CFAP91: variants seen among roughly 807,000 people sequenced by gnomAD.
CFAP91 encodes the protein cilia and flagella associated protein 91.
A neutral mutation model predicts 95.9 loss-of-function variants in CFAP91; 85 were observed. The observed-to-expected ratio is 0.89, with a 90% confidence interval of 0.74 to 1.06. The LOEUF (loss-of-function observed/expected upper bound fraction) is 1.06. CFAP91 is among the 50% of genes least tolerant of loss of function. CFAP91 has a pLI of 0.00. For missense variants in CFAP91, 962 were observed against 943.4 expected (o/e 1.02, Z -0.26); for synonymous variants, 335 against 327.5 (o/e 1.02, Z -0.25).
chr3:119,739,390 T>C (rs1158015307), intron 12 of CFAP91, 64 bp downstream of exon 12: 28 of 1,449,510 alleles, frequency 1.9e-5, no homozygotes, highest in East Asian at 2.3e-5. Flanking sequence ...AGAATGCATA[T>C]GTGCTTGGTT....
At chr3:119,750,833 A>T in intron 16 of CFAP91, 104 bp from the exon 17 acceptor site, 1 of 1,317,164 alleles carries the variant, frequency 7.6e-7, no homozygotes, top group Non-Finnish European at 1.1e-6. Context: ...GTTGGGTTTT[A>T]CCTTTAATTT....
At chr3:119,727,568 G>A (rs2053806069) in intron 7 of CFAP91, among the ~76,000 whole-genome samples, 1 of 152,130 alleles carries the variant, frequency 6.6e-6, no homozygotes, top group African/African-American at 2.4e-5. Context: ...GGGAAAATAG[G>A]GATGAATAGG....
intron 8 of CFAP91, among the ~76,000 whole-genome samples, chr3:119,731,484 A>G (rs1388634196): frequency 1.3e-5 from 2 of 152,234 alleles, no homozygotes; most frequent in Non-Finnish European, 2.9e-5. Context: ...AGTACTTGGC[A>G]TAACTAATGA....
chr3:119,742,999 A>C (rs1036921533), intron 13 of CFAP91, among the ~76,000 whole-genome samples: 2 of 152,128 alleles, frequency 1.3e-5, no homozygotes, highest in Admixed American at 1.3e-4. Context: ...CATCTTAAAC[A>C]CTTTTCTTCT....
Position 119,707,732 on chromosome 3 carries a change from G to GATATATATATAT in CFAP91, c.359+177_359+188dup, listed in dbSNP as rs770594988. On this transcript the variant is annotated intron_variant, in intron 3 of 17. Coordinates refer to ENST00000273390, the MANE Select transcript of CFAP91 (RefSeq NM_033364.4). ...ACCTGATTATATATTGTATATATGA[G>GATATATATATAT]ATATATATATATATATAATTTTGTC... is the stretch of plus-strand genomic sequence containing the variant. 9.6e-3 allele frequency among the ~76,000 whole-genome samples: 1,361 copies of GATATATATATAT among 142,434 alleles called. 27 individuals carry two copies. The highest frequency in any genetic ancestry group is 0.032 in the African/African-American group (1,241 of 38,854). The allele number at this position is 142,434 out of a possible 152,430, so 93.4% of individuals were successfully genotyped here. A position where few individuals can be genotyped will look rare whatever the true frequency, so the allele number is the denominator to read the frequency against.
chr3:119,709,794 T>TCATTGCAAAAGTCCCACA (rs754152728), intron 4 of CFAP91, 45 bp from the exon 5 acceptor site: 10 of 1,402,846 alleles, frequency 7.1e-6, no homozygotes, highest in African/African-American at 5.7e-5. Flanking sequence ...TAGAGTGCAT[T>TCATTGCAAAAGTCCCACA]CATTGCAAAA....
intron 4 of CFAP91, among the ~76,000 whole-genome samples, chr3:119,709,203 T>A (rs76573949): frequency 6.6e-6 from 1 of 152,340 alleles, no homozygotes; most frequent in African/African-American, 2.4e-5. Context: ...AAATTAAAAT[T>A]AGATGGGGAT....
intron 10 of CFAP91, among the ~76,000 whole-genome samples, chr3:119,734,705 C>T (rs2053967522): frequency 6.6e-6 from 1 of 152,208 alleles, no homozygotes; most frequent in Non-Finnish European, 1.5e-5. Flanking sequence ...TTTGCTTCTA[C>T]ATTCATGAGT....
intron 12 of CFAP91, among the ~76,000 whole-genome samples, chr3:119,739,828 A>AT (rs996009970): frequency 5.3e-5 from 8 of 151,336 alleles, no homozygotes; most frequent in African/African-American, 1.2e-4. Flanking sequence ...ATGTTGTCTC[A>AT]TTTTTTTTTC....
intron 5 of CFAP91, among the ~76,000 whole-genome samples, chr3:119,710,564 CACAG>C (rs1177948919): frequency 6.6e-6 from 1 of 152,194 alleles, no homozygotes; most frequent in Non-Finnish European, 1.5e-5. Flanking sequence ...TTGGAGAAGA[CACAG>C]ACACATATTC....
intron 16 of CFAP91, among the ~76,000 whole-genome samples, chr3:119,748,471 A>G (rs2054266035): frequency 6.6e-6 from 1 of 152,214 alleles, no homozygotes; most frequent in African/African-American, 2.4e-5. Flanking sequence ...TTAAACAGAA[A>G]AATAAGATTC....
At chr3:119,709,296 A>G (rs2053431708) in intron 4 of CFAP91, among the ~76,000 whole-genome samples, 1 of 152,214 alleles carries the variant, frequency 6.6e-6, no homozygotes, top group Non-Finnish European at 1.5e-5. Context: ...TAAATTTCTA[A>G]TCCACATTAT....
chr3:119,730,393 G>T lies in CFAP91; in HGVS notation c.1018+16G>T. 1.2e-6 allele frequency: 2 copies of T among 1,606,768 alleles called. No homozygotes were observed. Among genetic ancestry groups the T allele is most frequent in the South Asian group, 2.2e-5 (2 of 89,710 alleles). Reference sequence around the variant, plus strand: ...CATGTATCAAGTAATGGTGTAGTATGAACAATGAAGACGGTGGAAAAGTGG... The same window carrying T: ...CATGTATCAAGTAATGGTGTAGTATTAACAATGAAGACGGTGGAAAAGTGG... On this transcript the variant is annotated intron_variant, in intron 8 of 17. Coordinates refer to ENST00000273390, the MANE Select transcript of CFAP91 (RefSeq NM_033364.4).
At chr3:119,741,958 A>G (rs775599034) in intron 13 of CFAP91, among the ~76,000 whole-genome samples, 25 of 152,168 alleles carry the variant, frequency 1.6e-4, no homozygotes, top group Admixed American at 1.3e-4. Context: ...GGAGAATGTC[A>G]ACACTGGAGT....
In CFAP91 at chr3:119,751,084, A is replaced by G. The variant is rs2054316513; in HGVS notation, c.2291A>G (p.Glu764Gly). The G allele has an allele frequency of 1.2e-6, 2 of 1,605,704 alleles. No individual in the cohort carries two copies. Among genetic ancestry groups the G allele is most frequent in the Non-Finnish European group, 1.7e-6 (2 of 1,177,392 alleles). Reference sequence around the variant, plus strand: ...TTACTTGAGAAAGAAACTCAAAATGAGAACAACAGCTAAGGTGAGTTTGAT... The same window carrying G: ...TTACTTGAGAAAGAAACTCAAAATGGGAACAACAGCTAAGGTGAGTTTGAT... ...AMLLEKETQN[E>G]NNS Residue 764 changes from glutamate to glycine, a missense_variant, in exon 17 of 18, where the codon GAG (glutamate) becomes GGG (glycine). By Grantham distance (98) the Glu-to-Gly change is moderately conservative (BLOSUM62 -2). Transcript: ENST00000273390.
chr3:119,714,365 CAAAAAAA>C (rs1265042198), intron 5 of CFAP91, among the ~76,000 whole-genome samples: 2 of 128,604 alleles, frequency 1.6e-5, no homozygotes, highest in East Asian at 4.4e-4. Context: ...GACTCCGTCT[CAAAAAAA>C]AAAAAAAAAA....
At chr3:119,739,198 T>C in intron 11 of CFAP91, 57 bp from the exon 12 acceptor site, 1 of 1,410,016 alleles carries the variant, frequency 7.1e-7, no homozygotes, top group South Asian at 1.2e-5. Context: ...AAAAGAATAT[T>C]TGATGCTTGG....
chr3:119,737,293 C>A, intron 10 of CFAP91, 73 bp from the exon 11 acceptor site: 1 of 837,248 alleles, frequency 1.2e-6, no homozygotes, highest in Non-Finnish European at 1.9e-6. Context: ...ATGTAAAAAA[C>A]TGCACTTTTA....
chr3:119,711,577 A>G (rs2053474549), intron 5 of CFAP91, among the ~76,000 whole-genome samples: 1 of 152,242 alleles, frequency 6.6e-6, no homozygotes, highest in Non-Finnish European at 1.5e-5. Context: ...AAACCATGAC[A>G]TTTGACATTG....
Sources: allele counts gnomAD v4.1 joint callset (sites outside exome capture counted in the v4.1 genomes callset), GRCh38; gene constraint gnomAD v4.1.1; transcripts MANE v1.5; gene names NCBI Gene and HGNC (gene_info 2026-07-23, HGNC 2026-07-21).